Variants in TRAF3IP1 observed in about 807,000 individuals in gnomAD.
TRAF3IP1 encodes the protein intraflagellar transport 54, also known as TRAF3-interacting protein 1.
Under a neutral mutation model 89.9 loss-of-function variants are expected in TRAF3IP1, and 53 were observed. The ratio of observed to expected loss-of-function variants is 0.59; its 90% CI spans 0.47 to 0.74. The LOEUF (loss-of-function observed/expected upper bound fraction) is 0.74. Among genes scored for constraint, TRAF3IP1 ranks in the 30% least tolerant of loss-of-function variants. The pLI is 0.00. For synonymous variants in TRAF3IP1, 311 were observed against 322.1 expected (o/e 0.97, Z 0.37); for missense variants, 806 against 866.1 (o/e 0.93, Z 0.87).
intron 15 of TRAF3IP1, among the ~76,000 whole-genome samples, chr2:238,394,612 T>G (rs1192049039): frequency 6.6e-6 from 1 of 152,254 alleles, no homozygotes; most frequent in Non-Finnish European, 1.5e-5. Flanking sequence ...AGAAATATAG[T>G]TGATTTTCAT....
Position 238,353,978 on chromosome 2 carries a change from TG to T in TRAF3IP1, c.1612+771del, listed in dbSNP as rs147280268. Among the ~76,000 whole-genome samples the T allele has an allele frequency of 7.7e-3, 1,174 of 152,324 alleles. 6 individuals carry two copies. Among genetic ancestry groups the T allele is most frequent in the Admixed American group, 0.012 (187 of 15,290 alleles). Reference sequence around the variant, plus strand: ...TAGTAGAGACAGGTTTTCGCTACGTTGGCCAGGCTGGTCTCCAATTTCTAAC... The same window carrying T: ...TAGTAGAGACAGGTTTTCGCTACGTTGCCAGGCTGGTCTCCAATTTCTAAC... On this transcript the variant is annotated intron_variant, in intron 14 of 16. Coordinates refer to ENST00000373327, the MANE Select transcript of TRAF3IP1 (RefSeq NM_015650.4).
At chr2:238,353,243 A>ATG (rs749439467) in intron 14 of TRAF3IP1, 34 bp downstream of exon 14, 1 of 1,612,356 alleles carries the variant, frequency 6.2e-7, no homozygotes, top group Admixed American at 1.7e-5. Flanking sequence ...ATGTATGTCC[A>ATG]TGTGTGTGTG....
chr2:238,340,548 T>G (rs780062468), intron 8 of TRAF3IP1, among the ~76,000 whole-genome samples: 1 of 152,242 alleles, frequency 6.6e-6, no homozygotes, highest in Non-Finnish European at 1.5e-5. Flanking sequence ...ATGAACAATT[T>G]CTTCCTGTAC....
chr2:238,375,511 C>T (rs929216201), intron 15 of TRAF3IP1, among the ~76,000 whole-genome samples: 1 of 152,130 alleles, frequency 6.6e-6, no homozygotes, highest in Admixed American at 6.6e-5. Flanking sequence ...GTCGTGATTT[C>T]TGTTCTTTTA....
Position 238,383,053 on chromosome 2 carries a change from C to T in TRAF3IP1, c.1690-14406C>T, listed in dbSNP as rs1210916093. On this transcript the variant is annotated intron_variant, in intron 15 of 16. Coordinates refer to ENST00000373327, the MANE Select transcript of TRAF3IP1 (RefSeq NM_015650.4). The stretch of plus-strand genomic sequence containing the variant: ...TCCCTGCCTGTCTCTACACACTGTC[C>T]TCCAGCCTGCAGCCTTCCCTTGGCT... Among the ~76,000 whole-genome samples, 3 of 152,286 alleles carry T rather than the reference C, an allele frequency of 2.0e-5. No individual in the cohort carries two copies. The East Asian group carries it at 5.8e-4, about 30-fold the overall frequency.
intron 15 of TRAF3IP1, among the ~76,000 whole-genome samples, chr2:238,396,019 C>T (rs2106383925): frequency 6.6e-6 from 1 of 152,110 alleles, no homozygotes; most frequent in East Asian, 1.9e-4. Flanking sequence ...CCCAGCCATC[C>T]CATTACTGGG....
intron 14 of TRAF3IP1, among the ~76,000 whole-genome samples, chr2:238,354,520 G>A (rs148382894): frequency 2.7e-4 from 41 of 152,230 alleles, no homozygotes; most frequent in African/African-American, 9.9e-4. Context: ...CAGCAGCAGC[G>A]GCTGTCCCCA....
intron 15 of TRAF3IP1, among the ~76,000 whole-genome samples, chr2:238,381,500 C>T (rs1700549504): frequency 1.3e-5 from 2 of 152,144 alleles, no homozygotes; most frequent in Non-Finnish European, 2.9e-5. Flanking sequence ...GGCAGGCTTG[C>T]CACCACGCTG....
intron 15 of TRAF3IP1, among the ~76,000 whole-genome samples, chr2:238,395,693 AC>A (rs200429962): frequency 2.0e-5 from 3 of 152,320 alleles, no homozygotes; most frequent in East Asian, 1.9e-4. Flanking sequence ...CAAAAAAAAA[AC>A]AACCCCATCA....
chr2:238,325,984 C>G lies in TRAF3IP1; in HGVS notation c.354+14C>G. 6.2e-7 allele frequency: 1 copy of G among 1,602,796 alleles called. No individual in the cohort carries two copies. The highest frequency in any genetic ancestry group is 1.1e-5 in the South Asian group (1 of 89,226). ...TGTCTCAACAAGGTACTACTGCTGT[C>G]CTGGCATTTTGAACTTACTTAGTAC... On this transcript the variant is annotated intron_variant, in intron 3 of 16. Transcript: ENST00000373327.
At chr2:238,338,318 A>C (rs908682059) in intron 7 of TRAF3IP1, 44 bp from the exon 8 acceptor site, 1 of 1,234,304 alleles carries the variant, frequency 8.1e-7, no homozygotes, top group African/African-American at 1.6e-5. Context: ...CAAACACAAA[A>C]TCTTTTATAA....
intron 15 of TRAF3IP1, among the ~76,000 whole-genome samples, chr2:238,368,954 T>C (rs1699996473): frequency 6.6e-6 from 1 of 152,212 alleles, no homozygotes; most frequent in African/African-American, 2.4e-5. Flanking sequence ...ATTACAAGCG[T>C]GAGCCACTGC....
intron 5 of TRAF3IP1, among the ~76,000 whole-genome samples, chr2:238,330,447 G>A (rs764665459): frequency 5.9e-5 from 9 of 152,294 alleles, no homozygotes; most frequent in African/African-American, 1.9e-4. Flanking sequence ...AAAGCATCCC[G>A]CGAAGATGTT....
At chr2:238,390,492 T>C (rs992600535) in intron 15 of TRAF3IP1, among the ~76,000 whole-genome samples, 10 of 152,204 alleles carry the variant, frequency 6.6e-5, no homozygotes, top group Non-Finnish European at 1.3e-4. Flanking sequence ...AAATACTTTT[T>C]TCACTGTGCG....
At chr2:238,336,652 A>C (rs961390364) in intron 7 of TRAF3IP1, among the ~76,000 whole-genome samples, 2 of 152,156 alleles carry the variant, frequency 1.3e-5, no homozygotes, top group African/African-American at 4.8e-5. Flanking sequence ...GATCACTTTG[A>C]CTTAATGAGT....
intron 15 of TRAF3IP1, among the ~76,000 whole-genome samples, chr2:238,362,914 A>G (rs1699723895): frequency 6.6e-6 from 1 of 152,234 alleles, no homozygotes; most frequent in African/African-American, 2.4e-5. Flanking sequence ...CAAAGCGGAG[A>G]TCAGAAACAG....
intron 15 of TRAF3IP1, among the ~76,000 whole-genome samples, chr2:238,357,424 T>C (rs1248407544): frequency 2.0e-5 from 3 of 152,232 alleles, no homozygotes; most frequent in African/African-American, 7.2e-5. Flanking sequence ...TGCACACATA[T>C]ATGTATTTCT....
chr2:238,386,230 G>A (rs1207710207), intron 15 of TRAF3IP1, among the ~76,000 whole-genome samples: 1 of 152,238 alleles, frequency 6.6e-6, no homozygotes, highest in Non-Finnish European at 1.5e-5. Context: ...GGTTGTTTCA[G>A]TGGCTTCTAG....
At chr2:238,386,183 G>T (rs1039495369) in intron 15 of TRAF3IP1, among the ~76,000 whole-genome samples, 7 of 152,192 alleles carry the variant, frequency 4.6e-5, no homozygotes, top group African/African-American at 1.7e-4. Context: ...ATTGGTGAGT[G>T]ACAGTGGTAG....
Sources: gnomAD v4.1 joint callset for allele counts (sites outside exome capture counted in the v4.1 genomes callset) on GRCh38, gnomAD v4.1.1 for gene constraint, MANE v1.5 for transcripts, NCBI Gene and HGNC (gene_info 2026-07-23, HGNC 2026-07-21) for gene names.